Variants in PPP3CB observed in about 807,000 individuals in gnomAD.
The protein encoded by PPP3CB is protein phosphatase 3 catalytic subunit beta.
A neutral mutation model predicts 66.4 loss-of-function variants in PPP3CB; 8 were observed. That is an observed-to-expected ratio of 0.12 (90% CI 0.07 to 0.22). The LOEUF is 0.22. Ranked by LOEUF, PPP3CB falls within the 10% of genes least tolerant of loss-of-function variation. The probability of loss-of-function intolerance (pLI) is 1.00; values close to 1 mark genes in which losing one functional copy is unlikely to be tolerated. For missense variants in PPP3CB, 319 were observed against 642.5 expected (o/e 0.50, Z 5.44); for synonymous variants, 208 against 221.2 (o/e 0.94, Z 0.53).
rs41306522 is a variant in PPP3CB at position 73,438,161 on chromosome 10, C to T, written c.*81G>A. ...TCAGAGAGACTGTGAAATTTACAGT[C>T]AGCTTGGCCGACCCCTCCAGCTCCT... On this transcript the variant is annotated 3_prime_UTR_variant, in exon 14 of 14. Coordinates refer to ENST00000360663, the MANE Select transcript of PPP3CB (RefSeq NM_021132.4). 0.021 allele frequency: 28,669 copies of T among 1,358,734 alleles called. 381 individuals carry two copies. Among genetic ancestry groups the T allele is most frequent in the Non-Finnish European group, 0.025 (24,610 of 987,088 alleles). 84.2% of individuals were successfully genotyped at this position (1,358,734 alleles called of 1,614,324 possible).
intron 12 of PPP3CB, among the ~76,000 whole-genome samples, chr10:73,442,300 T>C (rs2056162328): frequency 6.6e-6 from 1 of 152,186 alleles, no homozygotes; most frequent in African/African-American, 2.4e-5. Flanking sequence ...TTGAGGGTGG[T>C]TTCAAAGTTG....
chr10:73,460,908 A>G (rs2056509977), intron 9 of PPP3CB, among the ~76,000 whole-genome samples: 2 of 152,264 alleles, frequency 1.3e-5, no homozygotes, highest in Admixed American at 6.5e-5. Context: ...GCCCAGGGGC[A>G]GAGCCCTCAC....
intron 1 of PPP3CB, among the ~76,000 whole-genome samples, chr10:73,482,444 G>A (rs958550736): frequency 6.7e-6 from 1 of 149,146 alleles, no homozygotes; most frequent in African/African-American, 2.5e-5. Flanking sequence ...TCGGGAGGCT[G>A]AGGCAGGAGA....
In PPP3CB at chr10:73,470,729, T is replaced by C; in HGVS notation, c.940A>G (p.Ile314Val). ...TCTAAGTAATTAGGTGCCGAAAAAA[T>C]TGTTATTAATGAAGGGAACCCTGTA... ...QTTGFPSLIT[I>V]FSAPNYLDVY... Residue 314 changes from isoleucine to valine, a missense_variant, in exon 8 of 14, where the codon ATT becomes GTT. Physicochemically the swap from Ile to Val is conservative, Grantham distance 29. Around this residue, in one of 5 missense-constraint regions of PPP3CB, gnomAD observed 120 missense variants for 331.2 expected, o/e 0.36. Coordinates refer to ENST00000360663, the MANE Select transcript of PPP3CB (RefSeq NM_021132.4). The C allele has an allele frequency of 6.2e-7, 1 of 1,602,772 alleles. No homozygotes were observed. Among genetic ancestry groups the C allele is most frequent in the Non-Finnish European group, 8.5e-7 (1 of 1,173,106 alleles).
At chr10:73,469,611 A>G (rs2056672635) in intron 8 of PPP3CB, among the ~76,000 whole-genome samples, 1 of 152,236 alleles carries the variant, frequency 6.6e-6, no homozygotes, top group African/African-American at 2.4e-5. Context: ...TTCATAAGAT[A>G]TCTATAGTGT....
chr10:73,473,796 T>C (rs1057176667), intron 4 of PPP3CB, among the ~76,000 whole-genome samples: 1 of 152,082 alleles, frequency 6.6e-6, no homozygotes, highest in Non-Finnish European at 1.5e-5. Context: ...GGGATAAACA[T>C]TGCAGGTTAA....
At chr10:73,463,875 T>C (rs1041754966) in intron 9 of PPP3CB, among the ~76,000 whole-genome samples, 4 of 152,050 alleles carry the variant, frequency 2.6e-5, no homozygotes, top group Admixed American at 6.6e-5. Context: ...GACCTCGCGA[T>C]CTGCCTGCCT....
chr10:73,444,714 A>G lies in PPP3CB; in HGVS notation c.1366+11T>C, dbSNP rs2056218875. 1 of 1,614,162 alleles carries G rather than the reference A, an allele frequency of 6.2e-7. No individual in the cohort carries two copies. Among genetic ancestry groups the G allele is most frequent in the South Asian group, 1.1e-5 (1 of 91,070 alleles). On this transcript the variant is annotated intron_variant, in intron 12 of 13. Transcript: ENST00000360663. ...CCATCTGAGGCACAGCAAGTTGCAT[A>G]ACATCATTACCACTTTGCAGGGTCT...
chr10:73,487,888 T>C (rs2057010884), intron 1 of PPP3CB, among the ~76,000 whole-genome samples: 1 of 151,524 alleles, frequency 6.6e-6, no homozygotes, highest in Non-Finnish European at 1.5e-5. Flanking sequence ...CAAGCGATTC[T>C]CCCTACCTCA....
intron 1 of PPP3CB, among the ~76,000 whole-genome samples, chr10:73,481,671 C>T (rs1429344143): frequency 6.7e-6 from 1 of 150,132 alleles, no homozygotes; most frequent in Non-Finnish European, 1.5e-5. Flanking sequence ...TATCAATTAC[C>T]TAAGAAAGAA....
At chr10:73,481,550 T>C (rs975297400) in intron 1 of PPP3CB, among the ~76,000 whole-genome samples, 1 of 151,194 alleles carries the variant, frequency 6.6e-6, no homozygotes, top group African/African-American at 2.4e-5. Context: ...GTCATCATTG[T>C]AATGATCAAT....
chr10:73,439,739 T>C, intron 13 of PPP3CB, 133 bp downstream of exon 13: 1 of 999,020 alleles, frequency 1.0e-6, no homozygotes. Flanking sequence ...GCAAGGCTTC[T>C]AAACTTGATG....
chr10:73,482,946 C>T (rs2056906668), intron 1 of PPP3CB, among the ~76,000 whole-genome samples: 1 of 152,106 alleles, frequency 6.6e-6, no homozygotes, highest in Admixed American at 6.5e-5. Context: ...TAACAACCAA[C>T]AACATAATTC....
At chr10:73,479,580 A>C (rs752995928) in intron 1 of PPP3CB, 63 bp from the exon 2 acceptor site, 2 of 1,464,174 alleles carry the variant, frequency 1.4e-6, no homozygotes, top group Non-Finnish European at 1.9e-6. Flanking sequence ...AAAAACTAAT[A>C]ATTGGATCTA....
intron 1 of PPP3CB, among the ~76,000 whole-genome samples, chr10:73,494,362 A>G (rs1327936890): frequency 6.6e-6 from 1 of 152,024 alleles, no homozygotes; most frequent in Non-Finnish European, 1.5e-5. Flanking sequence ...ATCTCGGCTC[A>G]CTGCAACTTC....
At chr10:73,441,984 C>T (rs868316759) in intron 12 of PPP3CB, among the ~76,000 whole-genome samples, 15 of 152,272 alleles carry the variant, frequency 9.9e-5, no homozygotes, top group African/African-American at 3.4e-4. Flanking sequence ...GTTATACACA[C>T]TAACATCAGG....
chr10:73,480,498 G>A (rs2056856702), intron 1 of PPP3CB, among the ~76,000 whole-genome samples: 2 of 138,174 alleles, frequency 1.4e-5, no homozygotes, highest in Non-Finnish European at 3.0e-5. Context: ...AGGCTGGAAT[G>A]CAGTGGCGTG....
rs749327107 is a variant in PPP3CB at position 73,438,252 on chromosome 10, G to A, written c.1565C>T (p.Thr522Ile). The change falls in exon 14 of 14, where the codon ACT becomes ATT. Residue 522 changes from threonine (T) to isoleucine (I), a missense_variant. Physicochemically the swap from Thr to Ile is moderately conservative, Grantham distance 89 (BLOSUM62 -1). Around this residue, in one of 5 missense-constraint regions of PPP3CB, gnomAD observed 25 missense variants for 26.4 expected, o/e 0.95. Coordinates refer to ENST00000360663, the MANE Select transcript of PPP3CB (RefSeq NM_021132.4). Reference sequence around the variant, plus strand: ...CTGGGAAGTAGTGGGTCACTGGGCAGTATGGTTGCCCGTCCCGTGGTTCTC... The same window carrying A: ...CTGGGAAGTAGTGGGTCACTGGGCAATATGGTTGCCCGTCCCGTGGTTCTC... ...ATENHGTGNH[T>I]AQ The A allele has an allele frequency of 8.7e-6, 14 of 1,613,786 alleles. No individual in the cohort carries two copies. Among genetic ancestry groups the A allele is most frequent in the Non-Finnish European group, 1.1e-5 (13 of 1,179,866 alleles).
intron 1 of PPP3CB, among the ~76,000 whole-genome samples, chr10:73,481,194 C>T (rs571620874): frequency 4.7e-4 from 69 of 146,472 alleles, no homozygotes; most frequent in Admixed American, 2.8e-3. Flanking sequence ...GAAAAATAGG[C>T]CGGGTGCAGT....
Sources: allele counts gnomAD v4.1 joint callset (sites outside exome capture counted in the v4.1 genomes callset), GRCh38; gene constraint gnomAD v4.1.1; regional missense constraint gnomAD v4.1.1; transcripts MANE v1.5; gene names NCBI Gene and HGNC (gene_info 2026-07-23, HGNC 2026-07-21).